DLG2: variants seen among roughly 807,000 people sequenced by gnomAD.
DLG2 encodes disks large homolog 2.
A neutral mutation model predicts 132.5 loss-of-function variants in DLG2; 45 were observed. The observed-to-expected ratio is 0.34, with a 90% CI of 0.27 to 0.44. The LOEUF (loss-of-function observed/expected upper bound fraction) is 0.44. DLG2 is among the 20% of genes least tolerant of loss of function. DLG2 has a pLI of 1.00. For synonymous variants in DLG2, 424 were observed against 419.6 expected, an observed-to-expected ratio of 1.01 and a Z score of -0.13; for missense variants, 1,045 against 1,196.9, an observed-to-expected ratio of 0.87 and a Z score of 1.87.
At position 83,771,674 on chromosome 11, in the gene DLG2, A is replaced by T. The variant is rs148538216; in HGVS notation, c.1825+15016T>A. Among the ~76,000 whole-genome samples the T allele has an allele frequency of 8.5e-5, 13 of 152,330 alleles. No homozygotes were observed. The East Asian group carries it at 2.5e-3, about 29-fold the overall frequency. On this transcript the variant is annotated intron_variant, in intron 18 of 27. Transcript: ENST00000376104. Reference sequence around the variant, plus strand: ...TATGGTATTATAATCTTATAAGACCACCGTTGTATATGTGATCCATTGTTA... The same window carrying T: ...TATGGTATTATAATCTTATAAGACCTCCGTTGTATATGTGATCCATTGTTA...
chr11:84,202,217 C>G (rs1045638261), intron 8 of DLG2, among the ~76,000 whole-genome samples: 2 of 152,038 alleles, frequency 1.3e-5, no homozygotes, highest in African/African-American at 2.4e-5. Context: ...ACTTCAAACT[C>G]TCCTACAAGC....
At chr11:83,497,341 G>A (rs957348780) in intron 21 of DLG2, among the ~76,000 whole-genome samples, 3 of 152,068 alleles carry the variant, frequency 2.0e-5, no homozygotes, top group Admixed American at 6.5e-5. Context: ...TCAGGAATTC[G>A]ACACCAGCCT....
chr11:84,802,450 T>A (rs1372397813), intron 6 of DLG2, among the ~76,000 whole-genome samples: 1 of 151,982 alleles, frequency 6.6e-6, no homozygotes, highest in Non-Finnish European at 1.5e-5. Flanking sequence ...AATAGGGAGT[T>A]ACAGTCTGAT....
intron 3 of DLG2, among the ~76,000 whole-genome samples, chr11:85,424,172 A>T (rs1055862030): frequency 6.6e-6 from 1 of 152,062 alleles, no homozygotes; most frequent in Non-Finnish European, 1.5e-5. Flanking sequence ...TCCCATAATC[A>T]AGGCCTTCAG....
intron 16 of DLG2, among the ~76,000 whole-genome samples, chr11:83,844,235 C>T (rs2058163426): frequency 6.6e-6 from 1 of 151,874 alleles, no homozygotes; most frequent in African/African-American, 2.4e-5. Flanking sequence ...GATTTTGGCT[C>T]ATAGGGTAAA....
At chr11:83,936,086 G>C (rs2081369908) in intron 14 of DLG2, among the ~76,000 whole-genome samples, 1 of 152,158 alleles carries the variant, frequency 6.6e-6, no homozygotes, top group Non-Finnish European at 1.5e-5. Context: ...GAAAATGTTG[G>C]TCCCCTTTGT....
At chr11:83,906,411 G>C (rs1163626519) in intron 15 of DLG2, among the ~76,000 whole-genome samples, 1 of 151,680 alleles carries the variant, frequency 6.6e-6, no homozygotes, top group Non-Finnish European at 1.5e-5. Flanking sequence ...TACATAGTTC[G>C]GGAGATAGGG....
chr11:85,321,465 A>G (rs1401478662), intron 3 of DLG2, among the ~76,000 whole-genome samples: 1 of 152,056 alleles, frequency 6.6e-6, no homozygotes, highest in Non-Finnish European at 1.5e-5. Flanking sequence ...ACAAAACTGA[A>G]TAAAATAATC....
At chr11:83,511,319 A>G (rs2095023579) in intron 21 of DLG2, among the ~76,000 whole-genome samples, 1 of 152,140 alleles carries the variant, frequency 6.6e-6, no homozygotes, top group African/African-American at 2.4e-5. Flanking sequence ...TCACATAACA[A>G]TTGCATTCCA....
intron 6 of DLG2, among the ~76,000 whole-genome samples, chr11:84,591,764 AGCAT>A (rs1211553125): frequency 6.6e-6 from 1 of 152,198 alleles, no homozygotes; most frequent in Non-Finnish European, 1.5e-5. Context: ...TTACCTGGGA[AGCAT>A]TTACAACTCC....
chr11:84,576,616 G>A (rs573247922), intron 6 of DLG2, among the ~76,000 whole-genome samples: 36 of 152,248 alleles, frequency 2.4e-4, no homozygotes, highest in African/African-American at 8.7e-4. Context: ...TCAGGCAGAG[G>A]CAACAGCAAG....
chr11:85,519,939 C>G (rs1367513782), intron 3 of DLG2, among the ~76,000 whole-genome samples: 1 of 152,180 alleles, frequency 6.6e-6, no homozygotes. Context: ...GCCTCCCCAG[C>G]CACGTAGAAC....
chr11:83,873,443 A>T (rs2063867075), intron 16 of DLG2, among the ~76,000 whole-genome samples: 1 of 152,138 alleles, frequency 6.6e-6, no homozygotes, highest in African/African-American at 2.4e-5. Flanking sequence ...AATAAGTCTC[A>T]TGAGATCTGA....
At chr11:84,064,497 C>T (rs1327175619) in intron 10 of DLG2, among the ~76,000 whole-genome samples, 1 of 152,172 alleles carries the variant, frequency 6.6e-6, no homozygotes, top group Non-Finnish European at 1.5e-5. Context: ...ACAGACAAGT[C>T]ACTTGACATC....
intron 6 of DLG2, among the ~76,000 whole-genome samples, chr11:84,725,881 C>T (rs2062389867): frequency 6.6e-6 from 1 of 151,656 alleles, no homozygotes; most frequent in Non-Finnish European, 1.5e-5. Flanking sequence ...AAGAATAAAC[C>T]TATTAGACTC....
intron 6 of DLG2, among the ~76,000 whole-genome samples, chr11:84,772,808 A>T (rs1014090713): frequency 1.3e-5 from 2 of 152,220 alleles, no homozygotes; most frequent in East Asian, 1.9e-4. Context: ...CGGTAAGAGG[A>T]AAGTTTACAG....
intron 6 of DLG2, among the ~76,000 whole-genome samples, chr11:84,895,357 C>A (rs1458399378): frequency 6.6e-6 from 1 of 151,958 alleles, no homozygotes; most frequent in Non-Finnish European, 1.5e-5. Flanking sequence ...AAGATATAAT[C>A]AGTAACCTGT....
At chr11:85,549,879 A>G (rs2076566077) in intron 3 of DLG2, among the ~76,000 whole-genome samples, 1 of 152,194 alleles carries the variant, frequency 6.6e-6, no homozygotes, top group Non-Finnish European at 1.5e-5. Context: ...AAGTTACCCT[A>G]TACAGTCTAA....
intron 3 of DLG2, among the ~76,000 whole-genome samples, chr11:85,540,248 C>T (rs946544293): frequency 6.6e-6 from 1 of 152,150 alleles, no homozygotes; most frequent in Admixed American, 6.5e-5. Context: ...TTTTCCAAGA[C>T]CACTCTGGCC....
Sources: gnomAD v4.1 joint callset for allele counts (sites outside exome capture counted in the v4.1 genomes callset) on GRCh38, gnomAD v4.1.1 for gene constraint, MANE v1.5 for transcripts, NCBI Gene and HGNC (gene_info 2026-07-23, HGNC 2026-07-21) for gene names.